TACR1: variants seen among roughly 807,000 people sequenced by gnomAD.
TACR1 encodes tachykinin receptor 1, also known as substance-P receptor.
Under a neutral mutation model 35.8 loss-of-function variants are expected in TACR1, and 25 were observed. The observed-to-expected ratio is 0.70, with a 90% CI of 0.51 to 0.98. The LOEUF (loss-of-function observed/expected upper bound fraction) is 0.98. Among genes scored for constraint, TACR1 ranks in the 50% least tolerant of loss-of-function variants. The pLI is 0.00. For missense variants in TACR1, 478 were observed against 522.9 expected (o/e 0.91, Z 0.84); for synonymous variants, 195 against 206.7 (o/e 0.94, Z 0.48).
intron 1 of TACR1, among the ~76,000 whole-genome samples, chr2:75,144,987 T>C (rs1037692551): frequency 6.6e-6 from 1 of 152,050 alleles, no homozygotes; most frequent in Non-Finnish European, 1.5e-5. Context: ...TAGTAGGAAT[T>C]TTAGAAAGAA....
chr2:75,171,701 G>C (rs537399738), intron 1 of TACR1, among the ~76,000 whole-genome samples: 7 of 152,130 alleles, frequency 4.6e-5, no homozygotes, highest in Non-Finnish European at 7.4e-5. Context: ...GATGTGAGAC[G>C]TGGACTTTAA....
chr2:75,052,843 A>G (rs992126364), intron 3 of TACR1, among the ~76,000 whole-genome samples: 19 of 151,874 alleles, frequency 1.3e-4, no homozygotes, highest in African/African-American at 4.6e-4. Flanking sequence ...CCATGATAAG[A>G]ATTAAATTTT....
intron 2 of TACR1, among the ~76,000 whole-genome samples, chr2:75,071,045 TC>T (rs1162948614): frequency 6.6e-6 from 1 of 152,226 alleles, no homozygotes; most frequent in Non-Finnish European, 1.5e-5. Context: ...AAATAAAATG[TC>T]CTTGGAACAC....
chr2:75,186,594 G>T (rs1363976646), intron 1 of TACR1, among the ~76,000 whole-genome samples: 4 of 150,382 alleles, frequency 2.7e-5, no homozygotes, highest in South Asian at 2.1e-4. Context: ...AATGTGATCA[G>T]AAAAACATTG....
chr2:75,180,855 A>G (rs996624295), intron 1 of TACR1, among the ~76,000 whole-genome samples: 1 of 152,242 alleles, frequency 6.6e-6, no homozygotes, highest in African/African-American at 2.4e-5. Context: ...TATTGTGGCA[A>G]TATATAACTG....
intron 2 of TACR1, among the ~76,000 whole-genome samples, chr2:75,076,409 G>T (rs540155028): frequency 6.6e-6 from 1 of 152,266 alleles, no homozygotes; most frequent in South Asian, 2.1e-4. Flanking sequence ...TCAGCTCAAG[G>T]GCCAACAGAG....
Position 75,101,850 on chromosome 2 carries a change from A to G in TACR1, c.584+18724T>C, listed in dbSNP as rs111634830. Among the ~76,000 whole-genome samples the G allele has an allele frequency of 4.5e-3, 679 of 152,266 alleles. 3 individuals carry two copies. The highest frequency in any genetic ancestry group is 0.015 in the African/African-American group (611 of 41,552). On this transcript the variant is annotated intron_variant, in intron 2 of 4. Transcript: ENST00000305249. ...GTAGTTCCAACTACTCAGGAGGCTG[A>G]GCCACATTGCTTGAACCCTGGAGGT...
chr2:75,127,599 A>G (rs1674097938), intron 1 of TACR1, among the ~76,000 whole-genome samples: 1 of 152,188 alleles, frequency 6.6e-6, no homozygotes, highest in Admixed American at 6.5e-5. Flanking sequence ...GCGACAGTTT[A>G]GGGTAAAGTG....
At chr2:75,077,417 A>C (rs1357080509) in intron 2 of TACR1, among the ~76,000 whole-genome samples, 1 of 152,204 alleles carries the variant, frequency 6.6e-6, no homozygotes, top group African/African-American at 2.4e-5. Context: ...CTCCAGTAAG[A>C]AGTTAGATGG....
At chr2:75,174,158 C>T (rs1379240177) in intron 1 of TACR1, among the ~76,000 whole-genome samples, 1 of 152,172 alleles carries the variant, frequency 6.6e-6, no homozygotes, top group African/African-American at 2.4e-5. Context: ...CCACTGAACC[C>T]TCAAGTAGTA....
In TACR1 at chr2:75,084,529, A is replaced by T. The variant is rs1423651794; in HGVS notation, c.585-30774T>A. 2.0e-5 allele frequency among the ~76,000 whole-genome samples: 3 copies of T among 152,220 alleles called. No individual in the cohort carries two copies. The East Asian group carries it at 5.8e-4, about 29-fold the overall frequency. On this transcript the variant is annotated intron_variant, in intron 2 of 4. Transcript: ENST00000305249. ...ACCAGCTCCTCCTTGTACCTCTGGTAGAATTCGGCTGTGAGTCCGTCTGGT... is the reference window on the plus strand; with the variant it reads ...ACCAGCTCCTCCTTGTACCTCTGGTTGAATTCGGCTGTGAGTCCGTCTGGT...
At chr2:75,116,131 A>T (rs1182453286) in intron 2 of TACR1, among the ~76,000 whole-genome samples, 1 of 151,806 alleles carries the variant, frequency 6.6e-6, no homozygotes, top group Non-Finnish European at 1.5e-5. Flanking sequence ...TTGAGACAGG[A>T]TTTCACTCTG....
At chr2:75,095,358 T>C (rs1469728172) in intron 2 of TACR1, among the ~76,000 whole-genome samples, 1 of 152,162 alleles carries the variant, frequency 6.6e-6, no homozygotes, top group Admixed American at 6.5e-5. Flanking sequence ...GATGCTAGCA[T>C]TGTATACTGC....
chr2:75,151,557 A>G (rs1674670991), intron 1 of TACR1, among the ~76,000 whole-genome samples: 1 of 152,190 alleles, frequency 6.6e-6, no homozygotes, highest in African/African-American at 2.4e-5. Flanking sequence ...ATTTAGGAAG[A>G]CGTATGGAAG....
At chr2:75,058,541 G>C (rs1672614199) in intron 2 of TACR1, among the ~76,000 whole-genome samples, 1 of 152,200 alleles carries the variant, frequency 6.6e-6, no homozygotes, top group South Asian at 2.1e-4. Flanking sequence ...AGCAACAGAA[G>C]AGACTGGCTG....
intron 2 of TACR1, among the ~76,000 whole-genome samples, chr2:75,081,435 G>A (rs1673084356): frequency 6.6e-6 from 1 of 152,122 alleles, no homozygotes; most frequent in Non-Finnish European, 1.5e-5. Flanking sequence ...AAATTCCCTG[G>A]AGCCTCTTCT....
chr2:75,081,843 G>A (rs1572917969), intron 2 of TACR1, among the ~76,000 whole-genome samples: 1 of 151,508 alleles, frequency 6.6e-6, no homozygotes, highest in East Asian at 1.9e-4. Flanking sequence ...ACTTGCAAAT[G>A]TTAGTTATAG....
At chr2:75,167,525 C>A (rs1346202687) in intron 1 of TACR1, among the ~76,000 whole-genome samples, 1 of 152,130 alleles carries the variant, frequency 6.6e-6, no homozygotes, top group Non-Finnish European at 1.5e-5. Context: ...ATATAAAGTA[C>A]CATGACATTA....
intron 2 of TACR1, among the ~76,000 whole-genome samples, chr2:75,074,918 C>T (rs186148144): frequency 8.3e-4 from 126 of 152,266 alleles, no homozygotes; most frequent in Non-Finnish European, 1.5e-3. Context: ...AACTAAAAGC[C>T]CCACATCTAG....
Sources: allele counts gnomAD v4.1 joint callset (sites outside exome capture counted in the v4.1 genomes callset), GRCh38; gene constraint gnomAD v4.1.1; transcripts MANE v1.5; gene names NCBI Gene and HGNC (gene_info 2026-07-23, HGNC 2026-07-21).